STPG2: variants seen among roughly 807,000 people sequenced by gnomAD.
STPG2 encodes the protein sperm-tail PG-rich repeat-containing protein 2.
In STPG2, 56 loss-of-function variants were observed where a neutral mutation model predicts 54.2. The observed-to-expected ratio is 1.03, with a 90% confidence interval of 0.83 to 1.29. The LOEUF (loss-of-function observed/expected upper bound fraction) is 1.29. STPG2 is among the 50% of genes most tolerant of loss of function. The probability of loss-of-function intolerance (pLI) is 0.00; values close to 1 mark genes in which losing one functional copy is unlikely to be tolerated. For synonymous variants in STPG2, 200 were observed against 181.8 expected (o/e 1.10, Z -0.81); for missense variants, 596 against 544.9 (o/e 1.09, Z -0.93).
chr4:98,021,823 G>A (rs1578789157), intron 5 of STPG2, among the ~76,000 whole-genome samples: 1 of 151,924 alleles, frequency 6.6e-6, no homozygotes, highest in East Asian at 1.9e-4. Context: ...TCTTTTATCA[G>A]AGACTAGGAT....
At chr4:97,796,260 C>A (rs1727173497) in intron 9 of STPG2, among the ~76,000 whole-genome samples, 1 of 152,174 alleles carries the variant, frequency 6.6e-6, no homozygotes, top group Admixed American at 6.5e-5. Context: ...ATGTTTTAGA[C>A]ATGAAGTCCT....
chr4:97,691,412 C>G (rs1723359974), intron 10 of STPG2, among the ~76,000 whole-genome samples: 1 of 152,062 alleles, frequency 6.6e-6, no homozygotes, highest in Non-Finnish European at 1.5e-5. Flanking sequence ...GGCTTTCCCC[C>G]ACTTCCTTGG....
At chr4:97,517,089 G>A (rs1426879483) in intron 4 of STPG2, among the ~76,000 whole-genome samples, 2 of 151,722 alleles carry the variant, frequency 1.3e-5, no homozygotes, top group African/African-American at 4.8e-5. Context: ...TGTATTTTTA[G>A]TAAAGACAAC....
chr4:97,531,678 G>A (rs953641628), intron 4 of STPG2, among the ~76,000 whole-genome samples: 3 of 152,162 alleles, frequency 2.0e-5, no homozygotes, highest in African/African-American at 7.2e-5. Context: ...AACACATGGA[G>A]AAAGAGAGTA....
chr4:97,721,066 A>G (rs980570083), intron 9 of STPG2, among the ~76,000 whole-genome samples: 3 of 152,082 alleles, frequency 2.0e-5, no homozygotes. Context: ...CATTTCTTTC[A>G]GGATTATACT....
intron 8 of STPG2, among the ~76,000 whole-genome samples, chr4:97,910,136 G>A (rs574520270): frequency 2.0e-5 from 3 of 152,282 alleles, no homozygotes; most frequent in Admixed American, 6.5e-5. Flanking sequence ...TTGTTATGCA[G>A]AGTCCTGTTG....
chr4:97,469,312 GT>G (rs1344337125), intron 4 of STPG2, among the ~76,000 whole-genome samples: 3 of 152,058 alleles, frequency 2.0e-5, no homozygotes, highest in Non-Finnish European at 4.4e-5. Flanking sequence ...TGAAATAACT[GT>G]AGTCATTCTC....
chr4:97,629,195 T>A (rs918290960), intron 10 of STPG2, among the ~76,000 whole-genome samples: 3 of 151,986 alleles, frequency 2.0e-5, no homozygotes, highest in African/African-American at 7.2e-5. Context: ...TGAAAAGCCA[T>A]CAATATCATA....
chr4:97,524,514 C>T (rs1417364783), intron 4 of STPG2, among the ~76,000 whole-genome samples: 2 of 151,814 alleles, frequency 1.3e-5, no homozygotes, highest in African/African-American at 2.4e-5. Context: ...TGTCTTATTG[C>T]CTTCTATTCA....
intron 5 of STPG2, among the ~76,000 whole-genome samples, chr4:98,065,841 T>G (rs945681500): frequency 2.6e-5 from 4 of 152,110 alleles, no homozygotes; most frequent in African/African-American, 9.7e-5. Context: ...TCCTTTATAT[T>G]TAAGATGGAC....
intron 3 of STPG2, among the ~76,000 whole-genome samples, chr4:98,122,828 G>T (rs544324056): frequency 6.6e-6 from 1 of 152,148 alleles, no homozygotes; most frequent in East Asian, 1.9e-4. Context: ...TTTTCGGTTG[G>T]TAGGCCTCGA....
chr4:97,970,228 A>T (rs1361364533), intron 7 of STPG2, among the ~76,000 whole-genome samples: 1 of 152,238 alleles, frequency 6.6e-6, no homozygotes, highest in East Asian at 1.9e-4. Context: ...AAATGGCCAT[A>T]CTGACCAAGG....
At chr4:97,909,705 AC>A (rs1464523258) in intron 8 of STPG2, among the ~76,000 whole-genome samples, 1 of 152,176 alleles carries the variant, frequency 6.6e-6, no homozygotes, top group African/African-American at 2.4e-5. Context: ...ATCATAAGTA[AC>A]CCAATAGATT....
intron 8 of STPG2, among the ~76,000 whole-genome samples, chr4:97,926,968 T>C (rs1039490042): frequency 6.6e-6 from 1 of 152,090 alleles, no homozygotes; most frequent in Non-Finnish European, 1.5e-5. Context: ...ATTCTTACCA[T>C]GGCCCTATCA....
chr4:97,483,934 T>C (rs933429422), intron 4 of STPG2, among the ~76,000 whole-genome samples: 1 of 151,798 alleles, frequency 6.6e-6, no homozygotes, highest in Admixed American at 6.6e-5. Flanking sequence ...TTCAAAACCA[T>C]GCAAATACAT....
intron 9 of STPG2, among the ~76,000 whole-genome samples, chr4:97,799,492 A>C (rs1727309022): frequency 6.6e-6 from 1 of 152,188 alleles, no homozygotes; most frequent in Admixed American, 6.5e-5. Flanking sequence ...CTTTTCTTAA[A>C]GGATGTTGAA....
chr4:97,960,837 G>GA (rs1300611964), intron 7 of STPG2, among the ~76,000 whole-genome samples: 15 of 151,836 alleles, frequency 9.9e-5, no homozygotes, highest in Admixed American at 9.2e-4. Context: ...CACAGAACTA[G>GA]AAAAAATATC....
chr4:98,099,109 T>A (rs1375517110), intron 5 of STPG2, among the ~76,000 whole-genome samples: 1 of 152,058 alleles, frequency 6.6e-6, no homozygotes, highest in African/African-American at 2.4e-5. Flanking sequence ...ACCCCACTGC[T>A]AGGCATACAG....
intron 10 of STPG2, among the ~76,000 whole-genome samples, chr4:97,692,390 G>A (rs772169625): frequency 2.0e-5 from 3 of 149,726 alleles, no homozygotes; most frequent in Non-Finnish European, 4.4e-5. Flanking sequence ...ATAGAGAATT[G>A]CAAAATGCAC....
Sources: allele counts gnomAD v4.1 joint callset (sites outside exome capture counted in the v4.1 genomes callset), GRCh38; gene constraint gnomAD v4.1.1; transcripts MANE v1.5; gene names NCBI Gene and HGNC (gene_info 2026-07-23, HGNC 2026-07-21).